The following TENM3 variants were observed in gnomAD, a reference collection of about 807,000 sequenced individuals.
TENM3 encodes the protein teneurin-3.
A neutral mutation model predicts 255.1 loss-of-function variants in TENM3; 63 were observed. That is an observed-to-expected ratio of 0.25 (90% CI 0.20 to 0.30). TENM3 has a LOEUF of 0.30. TENM3 is among the 10% of genes least tolerant of loss of function. TENM3 has a pLI of 1.00. For missense variants in TENM3, 2,929 were observed against 3,461.1 expected (o/e 0.85, Z 3.86); for synonymous variants, 1,306 against 1,322.3 (o/e 0.99, Z 0.27).
chr4:182,742,575 G>A (rs1352013391), intron 18 of TENM3, among the ~76,000 whole-genome samples: 1 of 152,142 alleles, frequency 6.6e-6, no homozygotes, highest in African/African-American at 2.4e-5. Flanking sequence ...CACAAAGTTT[G>A]TTAACTTTAA....
At chr4:182,135,864 G>C in the TENM3 span, among the ~76,000 whole-genome samples, 1 of 152,226 alleles carries the variant, frequency 6.6e-6, no homozygotes, top group African/African-American at 2.4e-5. Flanking sequence ...GAAGTTTTGT[G>C]AGACTGAACC....
intron 24 of TENM3, among the ~76,000 whole-genome samples, chr4:182,784,419 C>G (rs1765447652): frequency 6.6e-6 from 1 of 151,608 alleles, no homozygotes; most frequent in Non-Finnish European, 1.5e-5. Context: ...GTTTTCAGAT[C>G]TCCAGCTGCG....
At chr4:181,454,585 G>A in the TENM3 span, among the ~76,000 whole-genome samples, 6 of 128,266 alleles carry the variant, frequency 4.7e-5, no homozygotes, top group East Asian at 2.3e-4. Context: ...AGTGCCTTAC[G>A]CAGACGTACA....
At chr4:182,175,373 T>TA (rs1752414866) in intron 1 of TENM3, among the ~76,000 whole-genome samples, 1 of 151,278 alleles carries the variant, frequency 6.6e-6, no homozygotes, top group Non-Finnish European at 1.5e-5. Flanking sequence ...GTCTATATGC[T>TA]AGTGAATGCA....
At chr4:182,616,575 GA>G (rs376875213) in intron 4 of TENM3, among the ~76,000 whole-genome samples, 10,332 of 96,190 alleles carry the variant, frequency 0.11, 984 homozygotes, top group East Asian at 0.46. Context: ...CTAACACAGT[GA>G]AAAAAAAAAA....
intron 3 of TENM3, among the ~76,000 whole-genome samples, chr4:182,389,703 T>TTTTTTTTTA (rs1561396830): frequency 1.2e-4 from 18 of 148,504 alleles, no homozygotes; most frequent in Admixed American, 4.0e-4. Flanking sequence ...TTTTTTTTTT[T>TTTTTTTTTA]GAGACGGAGT....
chr4:182,589,403 A>G (rs1343533875), intron 3 of TENM3, among the ~76,000 whole-genome samples: 1 of 150,932 alleles, frequency 6.6e-6, no homozygotes, highest in Non-Finnish European at 1.5e-5. Flanking sequence ...TTTTGTCAAA[A>G]TCGCCTCTTA....
intron 24 of TENM3, among the ~76,000 whole-genome samples, chr4:182,788,088 C>T (rs1042334250): frequency 6.6e-5 from 10 of 152,128 alleles, no homozygotes; most frequent in African/African-American, 2.4e-4. Context: ...GATCTGTCCA[C>T]TTTGAAGGTT....
chr4:182,302,012 T>C (rs754025837), intron 1 of TENM3, among the ~76,000 whole-genome samples: 2 of 152,192 alleles, frequency 1.3e-5, no homozygotes, highest in Non-Finnish European at 2.9e-5. Flanking sequence ...ACTTGACTAA[T>C]ACAATTTTCT....
the TENM3 span, among the ~76,000 whole-genome samples, chr4:181,538,293 G>T: frequency 6.6e-6 from 1 of 152,112 alleles, no homozygotes; most frequent in Non-Finnish European, 1.5e-5. Context: ...AGAATAAGCT[G>T]AAATCCTTCA....
chr4:182,226,372 G>C (rs1427719302), intron 1 of TENM3, among the ~76,000 whole-genome samples: 1 of 152,132 alleles, frequency 6.6e-6, no homozygotes, highest in Non-Finnish European at 1.5e-5. Flanking sequence ...CTCAATCTAG[G>C]CACCAAAATT....
chr4:182,067,886 T>C, the TENM3 span, among the ~76,000 whole-genome samples: 1 of 149,770 alleles, frequency 6.7e-6, no homozygotes, highest in Non-Finnish European at 1.5e-5. Flanking sequence ...TTCAGGGTCA[T>C]TTTTTTTTTC....
rs552012088 is a variant in TENM3 at position 182,744,754 on chromosome 4, T to C, written c.3629+1335T>C. ...TTCCTAAGTTGGGAGAATTACTAGA[T>C]TTAAGAAGTAATGTTTTCATTGCCA... On this transcript the variant is annotated intron_variant, in intron 19 of 27. Coordinates refer to ENST00000511685, the MANE Select transcript of TENM3 (RefSeq NM_001080477.4). Among the ~76,000 whole-genome samples, 9 of 152,338 alleles carry C rather than the reference T, an allele frequency of 5.9e-5. 2 individuals are homozygous for C. The highest frequency in any genetic ancestry group is 2.2e-4 in the African/African-American group (9 of 41,582).
At chr4:181,919,964 A>T in the TENM3 span, among the ~76,000 whole-genome samples, 10 of 138,918 alleles carry the variant, frequency 7.2e-5, no homozygotes, top group Non-Finnish European at 1.1e-4. Context: ...GTTCCCACCT[A>T]TGAGTGAGAA....
chr4:181,547,027 A>C, the TENM3 span, among the ~76,000 whole-genome samples: 1 of 152,204 alleles, frequency 6.6e-6, no homozygotes, highest in Non-Finnish European at 1.5e-5. Flanking sequence ...ATGTGCACAA[A>C]TGATCCTACC....
At chr4:182,159,424 G>T (rs1750939273) in intron 1 of TENM3, among the ~76,000 whole-genome samples, 1 of 149,864 alleles carries the variant, frequency 6.7e-6, no homozygotes, top group African/African-American at 2.5e-5. Flanking sequence ...CAGGTGTGCA[G>T]TGAGCAATGG....
chr4:181,654,230 GAAAAAAAA>G, the TENM3 span, among the ~76,000 whole-genome samples: 1 of 110,566 alleles, frequency 9.0e-6, no homozygotes, highest in Non-Finnish European at 1.9e-5. Context: ...CTGCCTTCAG[GAAAAAAAA>G]AAAAAAAAAA....
intron 24 of TENM3, among the ~76,000 whole-genome samples, chr4:182,777,412 C>T (rs1239726148): frequency 6.6e-6 from 1 of 151,644 alleles, no homozygotes; most frequent in Non-Finnish European, 1.5e-5. Context: ...GTGAACACAT[C>T]CTTGCAAATG....
intron 3 of TENM3, among the ~76,000 whole-genome samples, chr4:182,534,784 AAGCACTTAAAAAC>A (rs1740130963): frequency 6.6e-6 from 1 of 152,238 alleles, no homozygotes; most frequent in African/African-American, 2.4e-5. Context: ...TACAGTGAGT[AAGCACTTAAAAAC>A]GTGGATTTGG....
Sources: allele counts gnomAD v4.1 joint callset (sites outside exome capture counted in the v4.1 genomes callset), GRCh38; gene constraint gnomAD v4.1.1; transcripts MANE v1.5; gene names NCBI Gene and HGNC (gene_info 2026-07-23, HGNC 2026-07-21).